The following ATRNL1 variants were observed in gnomAD, a reference collection of about 807,000 sequenced individuals.
ATRNL1 encodes attractin-like protein 1.
Under a neutral mutation model 182.7 loss-of-function variants are expected in ATRNL1, and 95 were observed. That is an observed-to-expected ratio of 0.52 (90% CI 0.44 to 0.62). The LOEUF is 0.62. ATRNL1 is among the 20% of genes least tolerant of loss of function. The pLI is 0.00. For synonymous variants in ATRNL1, 576 were observed against 568.3 expected (o/e 1.01, Z -0.19); for missense variants, 1,471 against 1,679.5 (o/e 0.88, Z 2.17).
At chr10:115,165,530 TG>T in intron 6 of ATRNL1, 27 bp from the exon 7 acceptor site, 1 of 1,291,492 alleles carries the variant, frequency 7.7e-7, no homozygotes, top group Non-Finnish European at 1.1e-6. Flanking sequence ...TCTTAGCTTA[TG>T]AAGTTATTTT....
At chr10:115,372,181 A>G (rs1363707527) in intron 19 of ATRNL1, among the ~76,000 whole-genome samples, 1 of 152,152 alleles carries the variant, frequency 6.6e-6, no homozygotes, top group Non-Finnish European at 1.5e-5. Context: ...GGACTAATAC[A>G]TGTTCTTTGT....
At chr10:115,906,871 G>A (rs117280892) in intron 28 of ATRNL1, among the ~76,000 whole-genome samples, 2,227 of 151,868 alleles carry the variant, frequency 0.015, 23 homozygotes, top group Non-Finnish European at 0.021. Context: ...ATGTACCAGC[G>A]CTTTGTAAAT....
At chr10:115,815,452 T>TGTGTGC (rs59755122) in intron 27 of ATRNL1, among the ~76,000 whole-genome samples, 2 of 148,480 alleles carry the variant, frequency 1.3e-5, no homozygotes, top group Non-Finnish European at 3.0e-5. Flanking sequence ...TGTGTGTGTG[T>TGTGTGC]ATTGTAATAT....
chr10:115,331,182 C>G (rs1554934962), intron 18 of ATRNL1, among the ~76,000 whole-genome samples: 1 of 152,134 alleles, frequency 6.6e-6, no homozygotes, highest in African/African-American at 2.4e-5. Context: ...GCCTCAGCCT[C>G]CCAAGTAGCT....
At chr10:115,944,547 A>G in intron 28 of ATRNL1, 111 bp from the exon 29 acceptor site, 2 of 891,070 alleles carry the variant, frequency 2.2e-6, no homozygotes, top group Non-Finnish European at 3.2e-6. Flanking sequence ...TTAACAGCCA[A>G]ACGTGTGATG....
At chr10:115,657,250 A>G (rs1860385923) in intron 26 of ATRNL1, among the ~76,000 whole-genome samples, 1 of 152,194 alleles carries the variant, frequency 6.6e-6, no homozygotes, top group Non-Finnish European at 1.5e-5. Flanking sequence ...TGCTACAAAC[A>G]TAACGATGTA....
intron 27 of ATRNL1, among the ~76,000 whole-genome samples, chr10:115,765,643 G>A (rs1286838304): frequency 1.3e-5 from 2 of 152,132 alleles, no homozygotes; most frequent in Non-Finnish European, 2.9e-5. Context: ...CAATTTTAAT[G>A]AAGTCTAGTT....
chr10:115,881,362 G>A (rs538466732), intron 28 of ATRNL1, among the ~76,000 whole-genome samples: 6 of 152,288 alleles, frequency 3.9e-5, no homozygotes, highest in East Asian at 1.9e-4. Flanking sequence ...TGATGAACTC[G>A]CACAGCCATT....
At chr10:115,907,555 A>G (rs1952541615) in intron 28 of ATRNL1, among the ~76,000 whole-genome samples, 1 of 152,246 alleles carries the variant, frequency 6.6e-6, no homozygotes, top group Non-Finnish European at 1.5e-5. Context: ...AACATGTAAT[A>G]TAATGCCCAC....
At chr10:115,771,368 C>G (rs1340397111) in intron 27 of ATRNL1, among the ~76,000 whole-genome samples, 1 of 151,886 alleles carries the variant, frequency 6.6e-6, no homozygotes. Flanking sequence ...GTAGCTGGGA[C>G]TACAGGCGCC....
At chr10:115,614,463 G>A (rs1384466770) in intron 26 of ATRNL1, among the ~76,000 whole-genome samples, 7 of 152,284 alleles carry the variant, frequency 4.6e-5, no homozygotes, top group African/African-American at 1.7e-4. Flanking sequence ...CCCTCCTGGA[G>A]AACATTTCAT....
At chr10:115,379,547 A>G (rs615905) in intron 19 of ATRNL1, among the ~76,000 whole-genome samples, 106,024 of 152,130 alleles carry the variant, frequency 0.7, 37,778 homozygotes, top group Middle Eastern at 0.76. Context: ...ATATTAATAT[A>G]CATCGTTTTA....
intron 26 of ATRNL1, among the ~76,000 whole-genome samples, chr10:115,726,732 C>T (rs1947608465): frequency 6.6e-6 from 1 of 152,190 alleles, no homozygotes; most frequent in Admixed American, 6.5e-5. Context: ...CCTTCTGGTT[C>T]CATAGCAGTT....
intron 28 of ATRNL1, among the ~76,000 whole-genome samples, chr10:115,936,596 A>G (rs1953566502): frequency 6.6e-6 from 1 of 152,216 alleles, no homozygotes; most frequent in African/African-American, 2.4e-5. Flanking sequence ...ATTATAGTTT[A>G]TAAAACACTT....
chr10:115,425,737 G>A (rs1056904206), intron 20 of ATRNL1, among the ~76,000 whole-genome samples: 3 of 151,950 alleles, frequency 2.0e-5, no homozygotes, highest in African/African-American at 7.2e-5. Flanking sequence ...ATTATTTACC[G>A]GAGGAGATCT....
chr10:115,526,920 G>A (rs1554986713), intron 25 of ATRNL1, among the ~76,000 whole-genome samples: 1 of 152,084 alleles, frequency 6.6e-6, no homozygotes, highest in Non-Finnish European at 1.5e-5. Flanking sequence ...GTAGCCTTGA[G>A]CAAAAGTTAC....
chr10:115,674,787 A>T (rs531009716), intron 26 of ATRNL1, among the ~76,000 whole-genome samples: 69 of 152,248 alleles, frequency 4.5e-4, no homozygotes, highest in African/African-American at 1.6e-3. Flanking sequence ...TTTTCTAAAA[A>T]AATGGACTGT....
chr10:115,301,522 C>CATT (rs111308507), intron 16 of ATRNL1, among the ~76,000 whole-genome samples: 1,924 of 152,048 alleles, frequency 0.013, 35 homozygotes, highest in African/African-American at 0.04. Context: ...CTATGGAAAA[C>CATT]GTGGCTGGGA....
At chr10:115,833,776 C>T (rs1186903486) in intron 27 of ATRNL1, among the ~76,000 whole-genome samples, 1 of 152,108 alleles carries the variant, frequency 6.6e-6, no homozygotes, top group Non-Finnish European at 1.5e-5. Flanking sequence ...TGTACCAGAG[C>T]CCACATGTTT....
Sources: allele counts gnomAD v4.1 joint callset (sites outside exome capture counted in the v4.1 genomes callset), GRCh38; gene constraint gnomAD v4.1.1; transcripts MANE v1.5; gene names NCBI Gene and HGNC (gene_info 2026-07-23, HGNC 2026-07-21).